Variants in ERP27 observed in about 807,000 individuals in gnomAD.
ERP27 encodes endoplasmic reticulum protein 27.
Under a neutral mutation model 27.7 loss-of-function variants are expected in ERP27, and 23 were observed. The observed-to-expected ratio is 0.83, with a 90% CI of 0.60 to 1.18. The LOEUF (loss-of-function observed/expected upper bound fraction) is 1.18, where lower values mean the gene tolerates loss of function less well. Ranked by LOEUF, ERP27 falls within the 50% of genes most tolerant of loss-of-function variation. The pLI, the probability that ERP27 is intolerant of heterozygous loss-of-function variation, is 0.00. For missense variants in ERP27, 363 were observed against 327.9 expected (o/e 1.11, Z -0.83); for synonymous variants, 159 against 118.3 (o/e 1.34, Z -2.23).
chr12:14,929,363 C>T (rs140665224), intron 3 of ERP27, among the ~76,000 whole-genome samples: 265 of 152,258 alleles, frequency 1.7e-3, no homozygotes, highest in African/African-American at 5.0e-3. Context: ...AGAAAACATG[C>T]CCGATCTTTC....
chr12:14,919,476 A>G (rs2430694), intron 4 of ERP27, among the ~76,000 whole-genome samples: 152,274 of 152,294 alleles, frequency 1, 76,127 homozygotes, highest in Non-Finnish European at 1. Context: ...GCAGAAGAAC[A>G]CCTTTTTGAT....
intron 3 of ERP27, among the ~76,000 whole-genome samples, chr12:14,923,029 G>T (rs547766055): frequency 6.7e-6 from 1 of 148,508 alleles, no homozygotes; most frequent in Non-Finnish European, 1.5e-5. Context: ...AGCCGAGAAC[G>T]TGCCATTGCA....
chr12:14,915,711 A>G, intron 5 of ERP27, 25 bp from the exon 6 acceptor site: 1 of 1,606,938 alleles, frequency 6.2e-7, no homozygotes, highest in Non-Finnish European at 8.5e-7. Context: ...GTTTGAAAGA[A>G]AAAGTTCTAT....
intron 4 of ERP27, among the ~76,000 whole-genome samples, chr12:14,919,005 A>G (rs940532998): frequency 4.6e-5 from 7 of 152,214 alleles, no homozygotes; most frequent in Admixed American, 4.6e-4. Flanking sequence ...GGGATTGACC[A>G]TAGCCGAATG....
chr12:14,938,292 T>C (rs1302000880), intron 1 of ERP27, 123 bp downstream of exon 1: 2 of 1,065,152 alleles, frequency 1.9e-6, no homozygotes, highest in African/African-American at 3.1e-5. Flanking sequence ...AATGCACTTA[T>C]CCAGGATTTC....
At chr12:14,923,137 A>G (rs1197611602) in intron 3 of ERP27, among the ~76,000 whole-genome samples, 1 of 151,376 alleles carries the variant, frequency 6.6e-6, no homozygotes, top group African/African-American at 2.4e-5. Flanking sequence ...TAAAGTGAAT[A>G]TTAAAGTCTC....
chr12:14,926,125 T>A (rs1414654175), intron 3 of ERP27, among the ~76,000 whole-genome samples: 1 of 152,256 alleles, frequency 6.6e-6, no homozygotes, highest in Non-Finnish European at 1.5e-5. Context: ...GCCATCTTTT[T>A]ATTCAATTTT....
At chr12:14,929,806 T>C (rs1295023630) in intron 3 of ERP27, among the ~76,000 whole-genome samples, 1 of 152,214 alleles carries the variant, frequency 6.6e-6, no homozygotes, top group African/African-American at 2.4e-5. Context: ...TTTTATAAAA[T>C]GTATTAAAAT....
intron 2 of ERP27, among the ~76,000 whole-genome samples, chr12:14,936,100 G>T (rs192909556): frequency 6.2e-4 from 94 of 152,054 alleles, no homozygotes; most frequent in Non-Finnish European, 1.3e-3. Context: ...CCTCCCACCG[G>T]CTCTTCCTCT....
At chr12:14,922,576 T>C (rs1170850202) in intron 3 of ERP27, among the ~76,000 whole-genome samples, 1 of 152,188 alleles carries the variant, frequency 6.6e-6, no homozygotes, top group East Asian at 1.9e-4. Flanking sequence ...TCTCCTTTAA[T>C]GGTGACTGCA....
At chr12:14,919,947 T>C (rs1863474858) in intron 4 of ERP27, among the ~76,000 whole-genome samples, 1 of 151,310 alleles carries the variant, frequency 6.6e-6, no homozygotes, top group Admixed American at 6.7e-5. Flanking sequence ...CTCTTCTACC[T>C]CAAAAAAAAT....
At position 14,914,055 on chromosome 12, in the gene ERP27, C is replaced by A. The variant is rs2120525747; in HGVS notation, c.*680G>T. 6.6e-6 allele frequency: 1 copy of A among 152,272 alleles called. No individual in the cohort carries two copies. The highest frequency in any genetic ancestry group is 2.1e-4 in the South Asian group (1 of 4,826). The allele number at this position is 152,272 out of a possible 1,614,324, so 9.4% of individuals were successfully genotyped here. A position where few individuals can be genotyped will look rare whatever the true frequency, so the allele number is the denominator to read the frequency against. ...CAGCCTTTCTCCTATAACATGATTGCCTTTTATTTATTATGCAGGTTGTTG... is the reference window on the plus strand; with the variant it reads ...CAGCCTTTCTCCTATAACATGATTGACTTTTATTTATTATGCAGGTTGTTG... On this transcript the variant is annotated 3_prime_UTR_variant, in exon 7 of 7. Transcript: ENST00000266397.
At position 14,914,726 on chromosome 12, in the gene ERP27, AAGG is replaced by A; in HGVS notation, c.*6_*8del. 1 of 1,612,694 alleles carries A rather than the reference AAGG, an allele frequency of 6.2e-7. No homozygotes were observed. Among genetic ancestry groups the A allele is most frequent in the Non-Finnish European group, 8.5e-7 (1 of 1,179,350 alleles). On this transcript the variant is annotated 3_prime_UTR_variant, in exon 7 of 7. Coordinates refer to ENST00000266397, the MANE Select transcript of ERP27 (RefSeq NM_152321.4). ...TAGATACTTGGCCATATGTAGTTCCAAGGAGAAGTCAGAGTTCCACCTTTGGAG... is the reference window on the plus strand; with the variant it reads ...TAGATACTTGGCCATATGTAGTTCCAAGAAGTCAGAGTTCCACCTTTGGAG...
At chr12:14,920,630 C>A (rs1863486368) in intron 4 of ERP27, among the ~76,000 whole-genome samples, 1 of 152,164 alleles carries the variant, frequency 6.6e-6, no homozygotes, top group South Asian at 2.1e-4. Context: ...CTTTGGCCTC[C>A]CACAGTGCTG....
chr12:14,916,953 C>T (rs1179065822), intron 5 of ERP27, among the ~76,000 whole-genome samples: 1 of 152,136 alleles, frequency 6.6e-6, no homozygotes, highest in African/African-American at 2.4e-5. Flanking sequence ...CAGGAAAAAA[C>T]CCACACTTAA....
intron 2 of ERP27, among the ~76,000 whole-genome samples, chr12:14,937,087 C>T (rs920485684): frequency 2.6e-5 from 4 of 152,198 alleles, no homozygotes; most frequent in African/African-American, 4.8e-5. Context: ...ATTCCATGCT[C>T]TTGCCCCTTC....
chr12:14,928,272 G>A (rs565409742), intron 3 of ERP27, among the ~76,000 whole-genome samples: 1 of 152,134 alleles, frequency 6.6e-6, no homozygotes, highest in African/African-American at 2.4e-5. Context: ...TCTCATGTTA[G>A]TTAAGGTAGG....
chr12:14,932,675 T>C (rs1863713840), intron 3 of ERP27, among the ~76,000 whole-genome samples: 2 of 152,252 alleles, frequency 1.3e-5, no homozygotes, highest in African/African-American at 4.8e-5. Flanking sequence ...TACATCATTG[T>C]GATACCATTT....
rs3084565 is a variant in ERP27 at position 14,927,744 on chromosome 12, G to GCACACACA, written c.334-6704_334-6697dup. Among the ~76,000 whole-genome samples the GCACACACA allele has an allele frequency of 4.9e-4, 72 of 148,314 alleles. 2 individuals carry two copies. The South Asian group carries it at 0.012, about 25-fold the overall frequency. Reference sequence around the variant, plus strand: ...TTTACTGGCTCTCTAATGCCTTCAGGCACACACACACACACACACACACAC... The same window carrying GCACACACA: ...TTTACTGGCTCTCTAATGCCTTCAGGCACACACACACACACACACACACACACACACAC... On this transcript the variant is annotated intron_variant, in intron 3 of 6. Coordinates refer to ENST00000266397, the MANE Select transcript of ERP27 (RefSeq NM_152321.4).
Sources: gnomAD v4.1 joint callset for allele counts (sites outside exome capture counted in the v4.1 genomes callset) on GRCh38, gnomAD v4.1.1 for gene constraint, MANE v1.5 for transcripts, NCBI Gene and HGNC (gene_info 2026-07-23, HGNC 2026-07-21) for gene names.